KIFAP3: variants seen among roughly 807,000 people sequenced by gnomAD.
KIFAP3 encodes kinesin-associated protein 3.
In KIFAP3, 68 loss-of-function variants were observed where a neutral mutation model predicts 106.5. The observed-to-expected ratio is 0.64, with a 90% CI of 0.53 to 0.78. The LOEUF is 0.78. Ranked by LOEUF, KIFAP3 falls within the 30% of genes least tolerant of loss-of-function variation. The pLI is 0.00. For missense variants in KIFAP3, 780 were observed against 941.8 expected, an observed-to-expected ratio of 0.83 and a Z score of 2.25; for synonymous variants, 320 against 311.5, an observed-to-expected ratio of 1.03 and a Z score of -0.29.
chr1:170,014,133 G>A (rs1668389886), intron 10 of KIFAP3, among the ~76,000 whole-genome samples: 1 of 152,110 alleles, frequency 6.6e-6, no homozygotes, highest in Non-Finnish European at 1.5e-5. Context: ...GCAGGCTACT[G>A]ATCTCATCTT....
chr1:170,057,505 A>T (rs559767904), intron 1 of KIFAP3, among the ~76,000 whole-genome samples: 2 of 152,184 alleles, frequency 1.3e-5, no homozygotes, highest in African/African-American at 4.8e-5. Context: ...AACTTACAAG[A>T]AGTAGTCACT....
intron 19 of KIFAP3, among the ~76,000 whole-genome samples, chr1:169,945,096 C>T (rs932360165): frequency 3.9e-5 from 6 of 152,172 alleles, no homozygotes; most frequent in Non-Finnish European, 8.8e-5. Context: ...GCCTCCCTCC[C>T]TGAGCTTGTA....
chr1:170,011,170 C>G (rs1668225176), intron 10 of KIFAP3, among the ~76,000 whole-genome samples: 1 of 151,750 alleles, frequency 6.6e-6, no homozygotes, highest in African/African-American at 2.4e-5. Context: ...TAAATCACTC[C>G]AGTTATTTGC....
In KIFAP3 at chr1:170,046,707, C is replaced by T. The variant is rs1347307523; in HGVS notation, c.319+5G>A. The T allele has an allele frequency of 4.6e-6, 7 of 1,517,488 alleles. No homozygotes were observed. The highest frequency in any genetic ancestry group is 6.2e-6 in the Non-Finnish European group (7 of 1,128,368). The allele number at this position is 1,517,488 out of a possible 1,614,324, so 94.0% of individuals were successfully genotyped here. A position where few individuals can be genotyped will look rare whatever the true frequency, so the allele number is the denominator to read the frequency against. On this transcript the variant is annotated splice_donor_5th_base_variant and intron_variant, in intron 3 of 19. Coordinates refer to ENST00000361580, the MANE Select transcript of KIFAP3 (RefSeq NM_014970.4). ...CATTAGGAAGCCAGGAATTCTACTA[C>T]TTACCTTTTCCTGACAATGAATCAC...
intron 1 of KIFAP3, among the ~76,000 whole-genome samples, chr1:170,058,319 C>A (rs1451608576): frequency 6.6e-6 from 1 of 152,038 alleles, no homozygotes; most frequent in Non-Finnish European, 1.5e-5. Context: ...AAATAAAAAA[C>A]AGTTGTAGAT....
At chr1:169,980,757 G>T (rs1424852210) in intron 15 of KIFAP3, among the ~76,000 whole-genome samples, 1 of 152,060 alleles carries the variant, frequency 6.6e-6, no homozygotes, top group Non-Finnish European at 1.5e-5. Flanking sequence ...TAAAAAATAA[G>T]ATTTGCACAA....
intron 1 of KIFAP3, among the ~76,000 whole-genome samples, chr1:170,065,108 G>T (rs1193840210): frequency 6.6e-6 from 1 of 152,072 alleles, no homozygotes; most frequent in Non-Finnish European, 1.5e-5. Context: ...GGATGTAGCA[G>T]ATTTTATCAG....
chr1:169,995,342 T>A (rs1237821535), intron 10 of KIFAP3, among the ~76,000 whole-genome samples: 2 of 152,090 alleles, frequency 1.3e-5, no homozygotes, highest in Non-Finnish European at 2.9e-5. Flanking sequence ...CCCCGGAAAT[T>A]GAGATATTTG....
At chr1:169,974,394 A>T (rs1481947236) in intron 16 of KIFAP3, among the ~76,000 whole-genome samples, 2 of 151,996 alleles carry the variant, frequency 1.3e-5, no homozygotes, top group East Asian at 3.8e-4. Context: ...TATCAACAGT[A>T]TCATGACTAG....
intron 9 of KIFAP3, among the ~76,000 whole-genome samples, chr1:170,020,827 T>C (rs28441321): frequency 0.76 from 116,111 of 152,184 alleles, 44,746 homozygotes; most frequent in East Asian, 0.99. Flanking sequence ...CCATATCTTG[T>C]ACCATATACA....
intron 19 of KIFAP3, among the ~76,000 whole-genome samples, chr1:169,947,036 G>A (rs1664477692): frequency 6.6e-6 from 1 of 151,790 alleles, no homozygotes; most frequent in Admixed American, 6.6e-5. Flanking sequence ...AATGACCACT[G>A]CATTATCTTA....
At chr1:170,054,496 A>G (rs1670741040) in intron 2 of KIFAP3, among the ~76,000 whole-genome samples, 1 of 152,352 alleles carries the variant, frequency 6.6e-6, no homozygotes, top group Non-Finnish European at 1.5e-5. Context: ...TCTACTATAA[A>G]GACACATTAA....
intron 17 of KIFAP3, among the ~76,000 whole-genome samples, chr1:169,966,359 C>T (rs185255824): frequency 6.6e-6 from 1 of 151,106 alleles, no homozygotes; most frequent in Non-Finnish European, 1.5e-5. Context: ...CAGAATCCTA[C>T]TAGGATGAAT....
chr1:169,921,740 C>A lies in KIFAP3; in HGVS notation c.2315G>T (p.Gly772Val). 1 of 1,613,770 alleles carries A rather than the reference C, an allele frequency of 6.2e-7. No individual in the cohort carries two copies. The highest frequency in any genetic ancestry group is 1.7e-4 in the Middle Eastern group (1 of 6,056). ...GAATCCATATGCTGTGGCAGGGCGT[C>A]CAAGAATGCCAACTGGTTGGCCAAA... ...DGFGQPVGIL[G>V]RPATAYGFRP... The change falls in exon 20 of 20, where the codon GGA (glycine) becomes GTA (valine). Residue 772 changes from glycine (G) to valine (V), a missense_variant. Gly to Val is a moderately radical substitution (Grantham distance 109). Around this residue, in one of 3 missense-constraint regions of KIFAP3, gnomAD observed 114 missense variants for 122.3 expected, o/e 0.93. Coordinates refer to ENST00000361580, the MANE Select transcript of KIFAP3 (RefSeq NM_014970.4).
intron 8 of KIFAP3, among the ~76,000 whole-genome samples, chr1:170,030,172 A>G (rs1450877998): frequency 6.6e-6 from 1 of 151,938 alleles, no homozygotes; most frequent in Non-Finnish European, 1.5e-5. Context: ...TAGGAGAACA[A>G]AAATTTCTGC....
intron 17 of KIFAP3, among the ~76,000 whole-genome samples, chr1:169,962,524 C>T (rs116063645): frequency 0.018 from 2,770 of 152,184 alleles, 71 homozygotes; most frequent in African/African-American, 0.062. Flanking sequence ...TCTTTAAACA[C>T]ATTTGGTTAC....
At chr1:169,932,215 A>T (rs769955044) in intron 19 of KIFAP3, among the ~76,000 whole-genome samples, 1 of 152,166 alleles carries the variant, frequency 6.6e-6, no homozygotes, top group Non-Finnish European at 1.5e-5. Context: ...AGCACATGCC[A>T]AAAGGAAAAT....
intron 19 of KIFAP3, among the ~76,000 whole-genome samples, chr1:169,933,653 T>C (rs982054448): frequency 1.3e-5 from 2 of 152,100 alleles, no homozygotes; most frequent in Non-Finnish European, 1.5e-5. Context: ...GTAAGAGTCA[T>C]ATTTTAAGTT....
chr1:170,003,973 C>G (rs1244752224), intron 10 of KIFAP3, among the ~76,000 whole-genome samples: 1 of 151,990 alleles, frequency 6.6e-6, no homozygotes, highest in East Asian at 1.9e-4. Flanking sequence ...ATTGTCTCAG[C>G]CCAAAATCTC....
Sources: allele counts gnomAD v4.1 joint callset (sites outside exome capture counted in the v4.1 genomes callset), GRCh38; gene constraint gnomAD v4.1.1; regional missense constraint gnomAD v4.1.1; transcripts MANE v1.5; gene names NCBI Gene and HGNC (gene_info 2026-07-23, HGNC 2026-07-21).